The following ZNF680 variants were observed in gnomAD, a reference collection of about 807,000 sequenced individuals.
ZNF680 encodes hypothetical protein FLJ90430.
Under a neutral mutation model 12.1 loss-of-function variants are expected in ZNF680, and 6 were observed. That is an observed-to-expected ratio of 0.49 (90% CI 0.27 to 0.98). The LOEUF is 0.98. Ranked by LOEUF, ZNF680 falls within the 50% of genes least tolerant of loss-of-function variation. ZNF680 has a pLI of 0.12. For missense variants in ZNF680, 561 were observed against 616.3 expected (o/e 0.91, Z 0.95); for synonymous variants, 170 against 199.3 (o/e 0.85, Z 1.24).
At chr7:64,524,653 G>A (rs1173395706) in intron 3 of ZNF680, 2 of 152,062 alleles carry the variant, frequency 1.3e-5, no homozygotes, top group Non-Finnish European at 2.9e-5. Flanking sequence ...TAAAGAAACC[G>A]GACTTGAAGG....
At chr7:64,542,947 C>A (rs1786585590) in intron 3 of ZNF680, among the ~76,000 whole-genome samples, 1 of 152,114 alleles carries the variant, frequency 6.6e-6, no homozygotes, top group Non-Finnish European at 1.5e-5. Context: ...GATCTCCCTG[C>A]CTTGGCCTCC....
At chr7:64,526,897 G>A (rs888944300) in intron 3 of ZNF680, among the ~76,000 whole-genome samples, 1 of 152,158 alleles carries the variant, frequency 6.6e-6, no homozygotes, top group Non-Finnish European at 1.5e-5. Context: ...TTTCCAGAAA[G>A]TATGTGAAAC....
At chr7:64,537,084 A>G (rs914283946) in intron 3 of ZNF680, among the ~76,000 whole-genome samples, 2 of 152,230 alleles carry the variant, frequency 1.3e-5, no homozygotes, top group Non-Finnish European at 2.9e-5. Flanking sequence ...ACAATGATGA[A>G]TAAATCTAAG....
chr7:64,537,697 G>A (rs1382781778), intron 3 of ZNF680, among the ~76,000 whole-genome samples: 2 of 152,192 alleles, frequency 1.3e-5, no homozygotes, highest in African/African-American at 4.8e-5. Context: ...GGAGGCCAAG[G>A]CGGGCAGATC....
chr7:64,555,830 G>A (rs1175977721), intron 1 of ZNF680, among the ~76,000 whole-genome samples: 1 of 151,398 alleles, frequency 6.6e-6, no homozygotes, highest in African/African-American at 2.4e-5. Flanking sequence ...GACTACCACT[G>A]ACCCCACAGA....
At chr7:64,540,904 G>GA (rs925895899) in intron 3 of ZNF680, among the ~76,000 whole-genome samples, 40 of 151,014 alleles carry the variant, frequency 2.6e-4, no homozygotes, top group Non-Finnish European at 8.9e-5. Flanking sequence ...AAAATTTCAG[G>GA]AAAAAAACAG....
chr7:64,501,064 G>A, the ZNF680 span: 44 of 831,538 alleles, frequency 5.3e-5, no homozygotes, highest in South Asian at 6.4e-4. Flanking sequence ...CCAGGTTTTA[G>A]ATATTAACCT....
chr7:64,539,130 CAAA>C (rs529165573), intron 3 of ZNF680, among the ~76,000 whole-genome samples: 38 of 77,670 alleles, frequency 4.9e-4, no homozygotes, highest in Non-Finnish European at 7.1e-4. Context: ...GACTCCATCT[CAAA>C]AAAAAAAAAA....
rs766542827 is a variant in ZNF680 at position 64,521,307 on chromosome 7, T to C, written c.1447A>G (p.Ile483Val). 2.9e-5 allele frequency: 46 copies of C among 1,613,610 alleles called. No individual in the cohort carries two copies. The Admixed American group carries it at 7.5e-4, about 26-fold the overall frequency. Residue 483 changes from isoleucine to valine, a missense_variant, in exon 4 of 4, where the codon ATT becomes GTT. Ile to Val is a conservative substitution (Grantham distance 29, BLOSUM62 3). Transcript: ENST00000309683. ...WPATLANHKR[I>V]HAREKPYKCE... ...TTGTAGGGTTTCTCTCTAGCATGAA[T>C]TCTCTTATGATTAGCAAGAGTTGCA...
the ZNF680 span, among the ~76,000 whole-genome samples, chr7:64,504,185 A>C: frequency 6.6e-6 from 1 of 152,178 alleles, no homozygotes; most frequent in African/African-American, 2.4e-5. Context: ...TAAAAGTTGC[A>C]TTTTAAATAA....
chr7:64,526,312 T>C, intron 3 of ZNF680: 1 of 1,183,546 alleles, frequency 8.4e-7, no homozygotes, highest in Admixed American at 4.6e-5. Flanking sequence ...TTAGTGTACT[T>C]TAAAAACAGA....
intron 3 of ZNF680, among the ~76,000 whole-genome samples, chr7:64,523,071 T>G (rs1360866971): frequency 6.6e-6 from 1 of 152,050 alleles, no homozygotes; most frequent in Non-Finnish European, 1.5e-5. Flanking sequence ...CATTATTATA[T>G]AAAAATACAT....
At chr7:64,516,712 G>A (rs1264969881), downstream of ZNF680, among the ~76,000 whole-genome samples, 1 of 151,966 alleles carries the variant, frequency 6.6e-6, no homozygotes, top group African/African-American at 2.4e-5. Flanking sequence ...CAGAACATAT[G>A]ATAGGCCAAA....
intron 1 of ZNF680, among the ~76,000 whole-genome samples, chr7:64,550,923 A>G (rs1787043284): frequency 6.6e-6 from 1 of 152,200 alleles, no homozygotes; most frequent in Non-Finnish European, 1.5e-5. Context: ...TAATTAAAAG[A>G]CAAATTTTCT....
chr7:64,558,488 G>A (rs1034046635), intron 1 of ZNF680, among the ~76,000 whole-genome samples: 1 of 152,068 alleles, frequency 6.6e-6, no homozygotes, highest in African/African-American at 2.4e-5. Context: ...TCTTTCTAGG[G>A]AGCCTCCCCT....
chr7:64,511,133 T>C, the ZNF680 span, among the ~76,000 whole-genome samples: 1 of 149,634 alleles, frequency 6.7e-6, no homozygotes, highest in Non-Finnish European at 1.5e-5. Flanking sequence ...ACCTAGGCAC[T>C]GTGGCAGGTG....
At chr7:64,540,872 T>C (rs1018313022) in intron 3 of ZNF680, among the ~76,000 whole-genome samples, 1 of 152,108 alleles carries the variant, frequency 6.6e-6, no homozygotes, top group African/African-American at 2.4e-5. Context: ...TTTCAAATCA[T>C]TGGCATGCGC....
the ZNF680 span, among the ~76,000 whole-genome samples, chr7:64,505,652 T>C: frequency 6.6e-6 from 1 of 152,200 alleles, no homozygotes; most frequent in Non-Finnish European, 1.5e-5. Context: ...ATAGTGCCAG[T>C]GAGCCCTTTC....
chr7:64,558,129 G>T (rs901364153), intron 1 of ZNF680, among the ~76,000 whole-genome samples: 1 of 152,182 alleles, frequency 6.6e-6, no homozygotes, highest in Non-Finnish European at 1.5e-5. Context: ...TCTGTGTCCG[G>T]GCAGGCAGAT....
Sources: allele counts gnomAD v4.1 joint callset (sites outside exome capture counted in the v4.1 genomes callset), GRCh38; gene constraint gnomAD v4.1.1; transcripts MANE v1.5; gene names NCBI Gene and HGNC (gene_info 2026-07-23, HGNC 2026-07-21).